The following PROM2 variants were observed in gnomAD, a reference collection of about 807,000 sequenced individuals.
PROM2 encodes the protein prominin-2.
PROM2 carries 90 observed loss-of-function variants against 110.2 expected under a neutral mutation model. That is an observed-to-expected ratio of 0.82 (90% CI 0.69 to 0.97). The LOEUF (loss-of-function observed/expected upper bound fraction) is 0.97. PROM2 is among the 50% of genes least tolerant of loss of function. The pLI, the probability that PROM2 is intolerant of heterozygous loss-of-function variation, is 0.00. For synonymous variants in PROM2, 470 were observed against 467.8 expected, an observed-to-expected ratio of 1.00 and a Z score of -0.06; for missense variants, 1,009 against 1,074.8, an observed-to-expected ratio of 0.94 and a Z score of 0.86.
rs1347032600 is a variant in PROM2 at position 95,276,494 on chromosome 2, A to C, written c.619-100A>C. 7.5e-6 allele frequency: 12 copies of C among 1,600,428 alleles called. No homozygotes were observed. Among genetic ancestry groups the C allele is most frequent in the Admixed American group, 1.7e-5 (1 of 59,768 alleles). ...CCTTGCCTGAGAGTCGACCACCCTCAGGGTGGATGCCATAGGGGCAGGGAA... is the reference window on the plus strand; with the variant it reads ...CCTTGCCTGAGAGTCGACCACCCTCCGGGTGGATGCCATAGGGGCAGGGAA... On this transcript the variant is annotated intron_variant, in intron 4 of 23. Coordinates refer to ENST00000317620, the MANE Select transcript of PROM2 (RefSeq NM_001165978.3). This position sits in a 1 kb window ranked among gnomAD's most constrained non-coding sequence, Gnocchi z 4.6.
At position 95,276,845 on chromosome 2, in the gene PROM2, G is replaced by T. The variant is rs561674013; in HGVS notation, c.683-127G>T. 1.0e-5 allele frequency: 12 copies of T among 1,145,966 alleles called. No individual in the cohort carries two copies. The highest frequency in any genetic ancestry group is 1.5e-5 in the Non-Finnish European group (12 of 793,130). 71.0% of individuals were successfully genotyped at this position (1,145,966 alleles called of 1,614,324 possible). ...TGCTGGAGGAAGAAGCCGTGTCCCCGCTCCTTCACTCCCCTCCACCCCCCG... is the reference window on the plus strand; with the variant it reads ...TGCTGGAGGAAGAAGCCGTGTCCCCTCTCCTTCACTCCCCTCCACCCCCCG... On this transcript the variant is annotated intron_variant, in intron 5 of 23. Coordinates refer to ENST00000317620, the MANE Select transcript of PROM2 (RefSeq NM_001165978.3). The surrounding 1 kb of genome is among the most constrained non-coding windows in gnomAD (Gnocchi z 4.6).
At chr2:95,277,812 C>T in intron 7 of PROM2, 118 bp from the exon 8 acceptor site, 1 of 909,824 alleles carries the variant, frequency 1.1e-6, no homozygotes, top group Admixed American at 2.2e-5. Flanking sequence ...CATGGCAGTC[C>T]TCATTTTACA....
chr2:95,275,501 G>C lies in PROM2; in HGVS notation c.285G>C (p.Lys95Asn). ...TACTGAATGAGCTGGCCTCCGTGAAGGTGAATGAGGTGAGCAAGCTGGGGA... is the reference window on the plus strand; with the variant it reads ...TACTGAATGAGCTGGCCTCCGTGAACGTGAATGAGGTGAGCAAGCTGGGGA... ...KALLNELASV[K>N]VNEVVRYEAG... Residue 95 changes from lysine (K) to asparagine (N), a missense_variant, in exon 2 of 24, where the codon AAG becomes AAC. Coordinates refer to ENST00000317620, the MANE Select transcript of PROM2 (RefSeq NM_001165978.3). The surrounding 1 kb of genome is among the most constrained non-coding windows in gnomAD (Gnocchi z 4.4). 6.2e-7 allele frequency: 1 copy of C among 1,613,888 alleles called. No individual in the cohort carries two copies. The highest frequency in any genetic ancestry group is 8.5e-7 in the Non-Finnish European group (1 of 1,179,884).
At chr2:95,288,361 G>A in intron 21 of PROM2, 61 bp downstream of exon 21, 1 of 1,601,156 alleles carries the variant, frequency 6.2e-7, no homozygotes, top group Non-Finnish European at 8.6e-7. Flanking sequence ...TGCTCTCCAG[G>A]GAGGGCCGGG....
At chr2:95,282,415 C>T (rs1164849079) in intron 14 of PROM2, among the ~76,000 whole-genome samples, 189 bp downstream of exon 14, 1 of 152,246 alleles carries the variant, frequency 6.6e-6, no homozygotes, top group South Asian at 2.1e-4. Context: ...TAGGTGGGTC[C>T]GTGTGCACCT....
chr2:95,289,767 C>G lies in PROM2; in HGVS notation c.*554C>G, dbSNP rs1238746309. ...TATCTCCACTGCTACCTTGCTGGCC[C>G]CAGAGACCACCCTGCCCAACCAAAC... On this transcript the variant is annotated 3_prime_UTR_variant, in exon 24 of 24. Coordinates refer to ENST00000317620, the MANE Select transcript of PROM2 (RefSeq NM_001165978.3). 1.3e-5 allele frequency: 2 copies of G among 152,556 alleles called. No individual in the cohort carries two copies. Among genetic ancestry groups the G allele is most frequent in the African/African-American group, 4.8e-5 (2 of 41,418 alleles). 9.5% of individuals were successfully genotyped at this position (152,556 alleles called of 1,614,324 possible). A position where few individuals can be genotyped will look rare whatever the true frequency, so the allele number is the denominator to read the frequency against.
chr2:95,283,813 A>T (rs867571034), intron 14 of PROM2, among the ~76,000 whole-genome samples: 1 of 135,636 alleles, frequency 7.4e-6, no homozygotes, highest in African/African-American at 2.8e-5. Flanking sequence ...ATTCATTCAC[A>T]CAGCTAACAA....
chr2:95,282,357 C>A, intron 14 of PROM2, 131 bp downstream of exon 14: 1 of 783,866 alleles, frequency 1.3e-6, no homozygotes. Flanking sequence ...ATTAAGGTGC[C>A]CAAGGGCAGA....
intron 18 of PROM2, 25 bp from the exon 19 acceptor site, chr2:95,287,108 G>A: frequency 1.2e-6 from 2 of 1,601,418 alleles, no homozygotes; most frequent in Non-Finnish European, 1.7e-6. Context: ...GTGGGACACT[G>A]AGTTGAGGCT....
intron 17 of PROM2, 79 bp from the exon 18 acceptor site, chr2:95,286,715 CCTCCCCTCCA>C (rs1264790297): frequency 1.2e-4 from 93 of 778,670 alleles, no homozygotes; most frequent in Middle Eastern, 1.0e-3. Flanking sequence ...TCTCCCCTCC[CCTCCCCTCCA>C]CTCCCCTCCA....
chr2:95,286,518 C>A lies in PROM2; in HGVS notation c.1987C>A (p.Gln663Lys), dbSNP rs772420994. ...GGGGCAGCGGCTGCAGGAGGAGGCC[C>A]AAGGACTCAGAAACCTTCACCAGGA... ...VLGQRLQEEA[Q>K]GLRNLHQEKV... Residue 663 changes from glutamine (Q) to lysine (K), a missense_variant, in exon 17 of 24, where the codon CAA becomes AAA. By Grantham distance (53) the Gln-to-Lys change is moderately conservative. Transcript: ENST00000317620. 5.6e-6 allele frequency: 9 copies of A among 1,613,728 alleles called. No homozygotes were observed. Among genetic ancestry groups the A allele is most frequent in the Non-Finnish European group, 7.6e-6 (9 of 1,180,014 alleles).
rs187750295 is a variant in PROM2, at chr2:95,283,046, A to T, written c.1728+820A>T. On this transcript the variant is annotated intron_variant, in intron 14 of 23. Transcript: ENST00000317620. ...CAGCACAGCCGGATGGCCCAGCCCCAACTCTGTACCTTGAACTGCACAACC... is the reference window on the plus strand; with the variant it reads ...CAGCACAGCCGGATGGCCCAGCCCCTACTCTGTACCTTGAACTGCACAACC... Among the ~76,000 whole-genome samples, 397 of 152,300 alleles carry T rather than the reference A, an allele frequency of 2.6e-3. 1 individual carries two copies. Among genetic ancestry groups the T allele is most frequent in the African/African-American group, 8.9e-3 (368 of 41,556 alleles).
At chr2:95,287,097 T>C (rs765277409) in intron 18 of PROM2, 36 bp from the exon 19 acceptor site, 68 of 1,569,420 alleles carry the variant, frequency 4.3e-5, no homozygotes, top group Non-Finnish European at 6.0e-5. Context: ...GATGCGTGAA[T>C]GTGGGACACT....
chr2:95,286,788 G>T lies in PROM2; in HGVS notation c.2041-16G>T. On this transcript the variant is annotated splice_polypyrimidine_tract_variant and intron_variant, in intron 17 of 23. Coordinates refer to ENST00000317620, the MANE Select transcript of PROM2 (RefSeq NM_001165978.3). ...CCCTTGCACTCCCCTAACCAGCCCT[G>T]ATCTCTTCTCCACAGGCAAAGCTCA... The T allele has an allele frequency of 6.2e-7, 1 of 1,610,456 alleles. No individual in the cohort carries two copies. Among genetic ancestry groups the T allele is most frequent in the South Asian group, 1.1e-5 (1 of 90,952 alleles).
chr2:95,280,062 T>G lies in PROM2; in HGVS notation c.1427+65T>G, dbSNP rs1470227946. 3 of 1,334,370 alleles carry G rather than the reference T, an allele frequency of 2.2e-6. No individual in the cohort carries two copies. The Admixed American group carries it at 9.2e-5, about 41-fold the overall frequency. The allele number at this position is 1,334,370 out of a possible 1,614,324, so 82.7% of individuals were successfully genotyped here. ...AGGGCTGGCTGATTACTCTCGCTCC[T>G]GAGCATAGCTCCCGGTGTGGCTGCC... On this transcript the variant is annotated intron_variant, in intron 11 of 23. Transcript: ENST00000317620.
Position 95,277,568 on chromosome 2 carries a change from T to C in PROM2, c.975+2T>C, listed in dbSNP as rs951591636. 6.4e-7 allele frequency: 1 copy of C among 1,564,210 alleles called. No homozygotes were observed. The highest frequency in any genetic ancestry group is 1.4e-5 in the African/African-American group (1 of 73,496). On this transcript the variant is annotated splice_donor_variant, in intron 7 of 23. Transcript: ENST00000317620. LOFTEE classifies it high-confidence loss of function. ...GAGCTGGGTGCTGACTTCAGCCAGGTGCAGACCCAGGACAGAGTCCTCTTA... is the reference window on the plus strand; with the variant it reads ...GAGCTGGGTGCTGACTTCAGCCAGGCGCAGACCCAGGACAGAGTCCTCTTA...
Position 95,285,620 on chromosome 2 carries a change from C to G in PROM2, c.1876-19C>G. 2.5e-6 allele frequency: 4 copies of G among 1,578,400 alleles called. No individual in the cohort carries two copies. Among genetic ancestry groups the G allele is most frequent in the Non-Finnish European group, 3.4e-6 (4 of 1,160,738 alleles). On this transcript the variant is annotated intron_variant, in intron 15 of 23. Coordinates refer to ENST00000317620, the MANE Select transcript of PROM2 (RefSeq NM_001165978.3). ...GGGAGCTGGGTTCATCCCTCCTGGC[C>G]TCTTCTGTCCACCTGCAGATCCAGA...
At chr2:95,284,156 G>T (rs543802850) in intron 14 of PROM2, among the ~76,000 whole-genome samples, 1 of 152,198 alleles carries the variant, frequency 6.6e-6, no homozygotes, top group Non-Finnish European at 1.5e-5. Context: ...AGGGCAGGGG[G>T]CCCTGAGGGC....
At chr2:95,284,487 T>C (rs1404227430) in intron 14 of PROM2, among the ~76,000 whole-genome samples, 1 of 151,220 alleles carries the variant, frequency 6.6e-6, no homozygotes, top group African/African-American at 2.4e-5. Flanking sequence ...CAAGACCCTG[T>C]CCGCTTCCCC....
Sources: gnomAD v4.1 joint callset for allele counts (sites outside exome capture counted in the v4.1 genomes callset) on GRCh38, gnomAD v4.1.1 for gene constraint, Gnocchi (gnomAD v3.1) non-coding constraint, MANE v1.5 for transcripts, NCBI Gene and HGNC (gene_info 2026-07-23, HGNC 2026-07-21) for gene names.